Variants in PEAK1 observed in about 807,000 individuals in gnomAD.
The protein encoded by PEAK1 is inactive tyrosine-protein kinase PEAK1.
Under a neutral mutation model 124.7 loss-of-function variants are expected in PEAK1, and 54 were observed. That is an observed-to-expected ratio of 0.43 (90% CI 0.35 to 0.54). The LOEUF is 0.54. Ranked by LOEUF, PEAK1 falls within the 20% of genes least tolerant of loss-of-function variation. The pLI, the probability that PEAK1 is intolerant of heterozygous loss-of-function variation, is 0.01. For missense variants in PEAK1, 2,046 were observed against 2,134.5 expected, an observed-to-expected ratio of 0.96 and a Z score of 0.82; for synonymous variants, 719 against 760.0, an observed-to-expected ratio of 0.95 and a Z score of 0.89.
At chr15:77,268,018 A>G (rs1268907413) in intron 5 of PEAK1, among the ~76,000 whole-genome samples, 1 of 152,220 alleles carries the variant, frequency 6.6e-6, no homozygotes, top group East Asian at 1.9e-4. Flanking sequence ...AATAAAAACT[A>G]ATCACAACTT....
intron 6 of PEAK1, among the ~76,000 whole-genome samples, chr15:77,188,751 T>C (rs1200565600): frequency 6.6e-6 from 1 of 152,178 alleles, no homozygotes; most frequent in Non-Finnish European, 1.5e-5. Context: ...TGTTTTGTAA[T>C]TATGTAAGTC....
intron 2 of PEAK1, among the ~76,000 whole-genome samples, chr15:77,338,953 A>G (rs1173686533): frequency 4.6e-5 from 7 of 152,090 alleles, no homozygotes; most frequent in Non-Finnish European, 8.8e-5. Context: ...TTTGAAATAA[A>G]CAAGTTGCAG....
intron 5 of PEAK1, among the ~76,000 whole-genome samples, chr15:77,268,847 G>A (rs2061876265): frequency 6.6e-6 from 1 of 152,122 alleles, no homozygotes; most frequent in Admixed American, 6.6e-5. Context: ...AGAAGGGACT[G>A]CAATCCTATC....
chr15:77,118,707 G>A (rs1566989636), intron 9 of PEAK1, among the ~76,000 whole-genome samples: 1 of 152,054 alleles, frequency 6.6e-6, no homozygotes, highest in Non-Finnish European at 1.5e-5. Flanking sequence ...GTTCATGCCA[G>A]CTACTCTTTA....
intron 6 of PEAK1, among the ~76,000 whole-genome samples, chr15:77,196,360 T>C (rs1439388654): frequency 6.6e-6 from 1 of 152,164 alleles, no homozygotes; most frequent in Non-Finnish European, 1.5e-5. Flanking sequence ...GTACTCTTTT[T>C]TGAATGTGAC....
At chr15:77,138,440 C>T (rs2152748975) in intron 8 of PEAK1, among the ~76,000 whole-genome samples, 1 of 152,186 alleles carries the variant, frequency 6.6e-6, no homozygotes, top group South Asian at 2.1e-4. Context: ...AATTTTTCTC[C>T]AATAATAAAT....
At chr15:77,282,328 C>T (rs1287409098) in intron 5 of PEAK1, among the ~76,000 whole-genome samples, 7 of 152,124 alleles carry the variant, frequency 4.6e-5, no homozygotes, top group African/African-American at 1.2e-4. Flanking sequence ...AATAAATCTA[C>T]ATTAAAACTA....
chr15:77,312,285 C>A (rs1410071323), intron 2 of PEAK1, among the ~76,000 whole-genome samples: 1 of 152,132 alleles, frequency 6.6e-6, no homozygotes, highest in South Asian at 2.1e-4. Context: ...TTACTATATT[C>A]CATTTTTAAT....
chr15:77,274,804 C>T (rs1016458703), intron 5 of PEAK1, among the ~76,000 whole-genome samples: 1 of 152,022 alleles, frequency 6.6e-6, no homozygotes, highest in Non-Finnish European at 1.5e-5. Flanking sequence ...CCAACAATCC[C>T]ACTCCTGGAT....
rs1370402609 is a variant in PEAK1 at position 77,217,668 on chromosome 15, TA to T, written c.-115+34698del. Among the ~76,000 whole-genome samples the T allele has an allele frequency of 2.6e-5, 4 of 152,328 alleles. No individual in the cohort carries two copies. The East Asian group carries it at 7.7e-4, about 29-fold the overall frequency. On this transcript the variant is annotated intron_variant, in intron 6 of 9. Transcript: ENST00000682557. ...ACTCATTTTTATTCAGTTAATAATG[TA>T]AAATATACCGCATTGATGTGGTTAA...
intron 2 of PEAK1, chr15:77,349,462 A>C: frequency 7.1e-6 from 7 of 984,452 alleles, no homozygotes; most frequent in Non-Finnish European, 8.4e-6. Context: ...ATTGCCAAAG[A>C]CACATTTTTA....
At chr15:77,253,189 T>C (rs1271332424) in intron 5 of PEAK1, among the ~76,000 whole-genome samples, 1 of 142,526 alleles carries the variant, frequency 7.0e-6, no homozygotes, top group African/African-American at 2.5e-5. Flanking sequence ...ATAGATTATA[T>C]GCAAACACTA....
chr15:77,380,015 C>G (rs1457186749), intron 1 of PEAK1, among the ~76,000 whole-genome samples: 1 of 152,144 alleles, frequency 6.6e-6, no homozygotes, highest in African/African-American at 2.4e-5. Context: ...TATTTCTTTA[C>G]CTGGCAAATG....
At chr15:77,301,729 G>A (rs1429796944) in intron 2 of PEAK1, among the ~76,000 whole-genome samples, 1 of 152,084 alleles carries the variant, frequency 6.6e-6, no homozygotes, top group Non-Finnish European at 1.5e-5. Flanking sequence ...TACCCTTTCT[G>A]TACTGCACTC....
At chr15:77,154,562 T>C (rs2054951944) in intron 8 of PEAK1, among the ~76,000 whole-genome samples, 1 of 152,254 alleles carries the variant, frequency 6.6e-6, no homozygotes, top group Non-Finnish European at 1.5e-5. Flanking sequence ...CGTTAGTTGA[T>C]GCAGTTTCTT....
chr15:77,235,211 G>T (rs948808366), intron 6 of PEAK1, among the ~76,000 whole-genome samples: 2 of 151,956 alleles, frequency 1.3e-5, no homozygotes, highest in Non-Finnish European at 2.9e-5. Context: ...AAGGTCACAG[G>T]GGACTGCTGT....
At chr15:77,346,441 G>A (rs550069635) in intron 2 of PEAK1, 152 of 985,128 alleles carry the variant, frequency 1.5e-4, no homozygotes, top group Non-Finnish European at 1.8e-4. Context: ...AGTCCCTTGG[G>A]GGAGAGGCCA....
At chr15:77,315,860 G>A (rs1011040760) in intron 2 of PEAK1, among the ~76,000 whole-genome samples, 2 of 152,116 alleles carry the variant, frequency 1.3e-5, no homozygotes, top group East Asian at 1.9e-4. Flanking sequence ...AAAACTAAAT[G>A]TAAGTGTGGT....
chr15:77,230,579 CA>C (rs1481490920), intron 6 of PEAK1, among the ~76,000 whole-genome samples: 1 of 151,888 alleles, frequency 6.6e-6, no homozygotes, highest in African/African-American at 2.4e-5. Flanking sequence ...GACACAGAAA[CA>C]ATGAGTGGGA....
Sources: allele counts gnomAD v4.1 joint callset (sites outside exome capture counted in the v4.1 genomes callset), GRCh38; gene constraint gnomAD v4.1.1; transcripts MANE v1.5; gene names NCBI Gene and HGNC (gene_info 2026-07-23, HGNC 2026-07-21).